Variants in TMEM117 observed in about 807,000 individuals in gnomAD.
TMEM117 encodes transmembrane protein 117.
Under a neutral mutation model 52.4 loss-of-function variants are expected in TMEM117, and 27 were observed. The ratio of observed to expected loss-of-function variants is 0.51; its 90% CI spans 0.38 to 0.71. The LOEUF is 0.71. TMEM117 is among the 30% of genes least tolerant of loss of function. TMEM117 has a pLI of 0.00. For synonymous variants in TMEM117, 215 were observed against 206.3 expected (o/e 1.04, Z -0.36); for missense variants, 556 against 630.5 (o/e 0.88, Z 1.26).
intron 3 of TMEM117, chr12:44,009,508 A>G (rs759912045): frequency 8.9e-6 from 2 of 223,722 alleles, no homozygotes; most frequent in Non-Finnish European, 1.8e-5. Context: ...TTTTCTGCTC[A>G]GCACAGGCTA....
intron 5 of TMEM117, among the ~76,000 whole-genome samples, chr12:44,251,104 G>A (rs1187497879): frequency 6.6e-6 from 1 of 152,148 alleles, no homozygotes; most frequent in Non-Finnish European, 1.5e-5. Flanking sequence ...TGTCCAAGAT[G>A]CCGTGGTGTC....
chr12:44,099,940 A>T (rs1947834553), intron 3 of TMEM117, among the ~76,000 whole-genome samples: 1 of 151,380 alleles, frequency 6.6e-6, no homozygotes, highest in Admixed American at 6.6e-5. Flanking sequence ...ATATTGCTTT[A>T]ATGGGAATGC....
intron 3 of TMEM117, among the ~76,000 whole-genome samples, chr12:44,087,396 G>C (rs111549574): frequency 2.0e-5 from 3 of 152,158 alleles, no homozygotes; most frequent in African/African-American, 7.2e-5. Flanking sequence ...TGATATAACT[G>C]AATTTGCAGT....
intron 3 of TMEM117, among the ~76,000 whole-genome samples, chr12:43,959,481 T>G (rs1294737603): frequency 2.0e-5 from 3 of 152,232 alleles, no homozygotes; most frequent in African/African-American, 7.2e-5. Flanking sequence ...AAATTTTTGT[T>G]AAGTTCACCA....
intron 3 of TMEM117, among the ~76,000 whole-genome samples, chr12:44,037,668 C>T (rs915068752): frequency 6.6e-6 from 1 of 152,126 alleles, no homozygotes; most frequent in Non-Finnish European, 1.5e-5. Flanking sequence ...AATTAGTACG[C>T]ACTTCCTCTT....
chr12:44,011,325 A>C (rs1031211463), intron 3 of TMEM117, among the ~76,000 whole-genome samples: 1 of 152,146 alleles, frequency 6.6e-6, no homozygotes, highest in Non-Finnish European at 1.5e-5. Context: ...GTCCCACTCA[A>C]ATCTCATCTT....
chr12:43,954,578 C>T (rs1945277402), intron 3 of TMEM117, among the ~76,000 whole-genome samples: 1 of 152,062 alleles, frequency 6.6e-6, no homozygotes, highest in African/African-American at 2.4e-5. Context: ...ACCCATAAAC[C>T]CTCCTAAGAC....
intron 6 of TMEM117, among the ~76,000 whole-genome samples, chr12:44,327,488 A>G (rs1472500241): frequency 1.3e-5 from 2 of 152,322 alleles, no homozygotes; most frequent in East Asian, 3.9e-4. Flanking sequence ...ACTAAAAGAC[A>G]CACTCATTTT....
In TMEM117 at chr12:44,388,129, C is replaced by T. The variant is rs200552578; in HGVS notation, c.1002C>T (p.Ile334=). ...FYKPHEYGQY[I]GPGQKIYTVK... ...AACCTCATGAATATGGGCAATATAT[C>T]GGCCCGGGGCAGAAGATATATACAG... Residue 334 remains isoleucine (I), a synonymous_variant, in exon 8 of 8, where the codon ATC becomes ATT. Coordinates refer to ENST00000266534, the MANE Select transcript of TMEM117 (RefSeq NM_032256.3). The T allele has an allele frequency of 2.5e-5, 40 of 1,612,988 alleles. No individual in the cohort carries two copies. The highest frequency in any genetic ancestry group is 3.1e-5 in the Non-Finnish European group (36 of 1,179,506).
intron 3 of TMEM117, among the ~76,000 whole-genome samples, chr12:43,976,574 T>C (rs1163162860): frequency 6.6e-6 from 1 of 152,168 alleles, no homozygotes; most frequent in Non-Finnish European, 1.5e-5. Context: ...TTTATCTAGA[T>C]CGATTTCTTT....
Position 43,882,399 on chromosome 12 carries a change from G to T in TMEM117, c.277+37471G>T, listed in dbSNP as rs539548114. Among the ~76,000 whole-genome samples, 12 of 145,364 alleles carry T rather than the reference G, an allele frequency of 8.3e-5. No homozygotes were observed. The Admixed American group carries it at 8.6e-4, about 10-fold the overall frequency. ...CGCTTGAACCCGGGAGGTGGAAGTT[G>T]CAGTGAGCCAAGATCACACCATTGC... On this transcript the variant is annotated intron_variant, in intron 2 of 7. Transcript: ENST00000266534.
chr12:44,225,422 A>G (rs1949847898), intron 5 of TMEM117, among the ~76,000 whole-genome samples: 1 of 152,194 alleles, frequency 6.6e-6, no homozygotes, highest in Non-Finnish European at 1.5e-5. Flanking sequence ...CTGGAATTAA[A>G]AGAACAGCAT....
At chr12:44,302,908 T>G (rs1260264462) in intron 6 of TMEM117, among the ~76,000 whole-genome samples, 2 of 152,180 alleles carry the variant, frequency 1.3e-5, no homozygotes, top group East Asian at 3.8e-4. Context: ...ATATTCCAGA[T>G]GAAAGAAAAA....
intron 3 of TMEM117, among the ~76,000 whole-genome samples, chr12:43,983,729 T>C: frequency 6.6e-6 from 1 of 151,890 alleles, no homozygotes. Flanking sequence ...ACTTTACATA[T>C]GTTATCTCAT....
intron 7 of TMEM117, among the ~76,000 whole-genome samples, chr12:44,377,991 A>G (rs1408337882): frequency 1.3e-5 from 2 of 152,178 alleles, no homozygotes; most frequent in Non-Finnish European, 2.9e-5. Context: ...AAATCAATCA[A>G]TTTGAGTTCA....
At chr12:44,190,752 G>T (rs1423015119) in intron 4 of TMEM117, among the ~76,000 whole-genome samples, 3 of 151,868 alleles carry the variant, frequency 2.0e-5, no homozygotes, top group Non-Finnish European at 4.4e-5. Context: ...TTCATGATCT[G>T]TATTTATCCC....
intron 3 of TMEM117, among the ~76,000 whole-genome samples, chr12:44,030,356 C>T (rs187827178): frequency 3.3e-5 from 5 of 152,292 alleles, no homozygotes; most frequent in Admixed American, 3.3e-4. Flanking sequence ...TGGAGTTAGC[C>T]ACGCTGTCTA....
chr12:44,312,310 G>A (rs1005227593), intron 6 of TMEM117, among the ~76,000 whole-genome samples: 1 of 151,926 alleles, frequency 6.6e-6, no homozygotes, highest in Non-Finnish European at 1.5e-5. Flanking sequence ...CCATCTTTAT[G>A]TTCATATGTA....
chr12:44,138,913 AGGTT>A (rs1948530425), intron 3 of TMEM117, among the ~76,000 whole-genome samples: 1 of 152,170 alleles, frequency 6.6e-6, no homozygotes, highest in Non-Finnish European at 1.5e-5. Context: ...GATTGAGGAA[AGGTT>A]AATTTTAAAA....
Sources: allele counts gnomAD v4.1 joint callset (sites outside exome capture counted in the v4.1 genomes callset), GRCh38; gene constraint gnomAD v4.1.1; transcripts MANE v1.5; gene names NCBI Gene and HGNC (gene_info 2026-07-23, HGNC 2026-07-21).